ARL15: variants seen among roughly 807,000 people sequenced by gnomAD.
ARL15 encodes the protein ADP-ribosylation factor-like protein 15.
In ARL15, 19 loss-of-function variants were observed where a neutral mutation model predicts 25.2. That is an observed-to-expected ratio of 0.75 (90% confidence interval 0.53 to 1.10). The LOEUF (loss-of-function observed/expected upper bound fraction) is 1.10, where lower values mean the gene tolerates loss of function less well. Ranked by LOEUF, ARL15 falls within the 50% of genes least tolerant of loss-of-function variation. The probability of loss-of-function intolerance (pLI) is 0.00; values close to 1 mark genes in which losing one functional copy is unlikely to be tolerated. For missense variants in ARL15, 220 were observed against 246.0 expected (o/e 0.89, Z 0.71); for synonymous variants, 94 against 86.8 (o/e 1.08, Z -0.46).
chr5:54,086,267 A>G (rs1038243859), intron 4 of ARL15, among the ~76,000 whole-genome samples: 2 of 152,152 alleles, frequency 1.3e-5, no homozygotes, highest in African/African-American at 2.4e-5. Flanking sequence ...GACAGGTCCA[A>G]TGAATATTTC....
intron 4 of ARL15, among the ~76,000 whole-genome samples, chr5:54,084,620 C>A (rs923702205): frequency 3.3e-5 from 5 of 152,076 alleles, no homozygotes; most frequent in African/African-American, 1.2e-4. Flanking sequence ...TGTGGGGAGC[C>A]TTCACATTGC....
At chr5:54,250,643 G>A (rs779696979) in intron 1 of ARL15, among the ~76,000 whole-genome samples, 7 of 152,116 alleles carry the variant, frequency 4.6e-5, no homozygotes, top group Non-Finnish European at 1.0e-4. Context: ...AGAGGGAGAA[G>A]TACAGGGACA....
At chr5:54,109,329 T>TCCAAAAG (rs1250543709) in intron 4 of ARL15, among the ~76,000 whole-genome samples, 2 of 152,024 alleles carry the variant, frequency 1.3e-5, no homozygotes, top group African/African-American at 2.4e-5. Flanking sequence ...TGATATACTA[T>TCCAAAAG]TTCTGAAAAA....
chr5:53,974,308 T>C (rs1015735925), intron 4 of ARL15, among the ~76,000 whole-genome samples: 17 of 152,350 alleles, frequency 1.1e-4, no homozygotes, highest in South Asian at 4.1e-4. Flanking sequence ...TCTCCTTTAC[T>C]TGTGACTTAA....
At chr5:54,124,311 T>TA (rs912675480) in intron 3 of ARL15, among the ~76,000 whole-genome samples, 1 of 152,224 alleles carries the variant, frequency 6.6e-6, no homozygotes, top group African/African-American at 2.4e-5. Flanking sequence ...GCAGCACATA[T>TA]AAAAGTATGT....
At chr5:54,228,933 G>A (rs1189479335) in intron 1 of ARL15, among the ~76,000 whole-genome samples, 3 of 152,090 alleles carry the variant, frequency 2.0e-5, no homozygotes, top group Non-Finnish European at 4.4e-5. Flanking sequence ...CATGTTTCCT[G>A]TCGGGAGAAG....
At chr5:54,125,889 T>C (rs1753237424) in intron 3 of ARL15, among the ~76,000 whole-genome samples, 1 of 152,124 alleles carries the variant, frequency 6.6e-6, no homozygotes, top group Admixed American at 6.5e-5. Context: ...TAATTTACCA[T>C]TGGTCTGACT....
rs370334359 is a variant in ARL15, at chr5:54,207,950, A to G, written c.49-36022T>C. 4.1e-4 allele frequency among the ~76,000 whole-genome samples: 63 copies of G among 152,352 alleles called. No homozygotes were observed. In the South Asian group the frequency reaches 4.6e-3, roughly 11 times the overall value. On this transcript the variant is annotated intron_variant, in intron 1 of 4. Transcript: ENST00000504924. Reference sequence around the variant, plus strand: ...TTCTGTACTGAAGATCACTAGGCACATATTAAAGCAGGAGTATTGTACAGA... The same window carrying G: ...TTCTGTACTGAAGATCACTAGGCACGTATTAAAGCAGGAGTATTGTACAGA...
At chr5:54,001,671 C>A (rs1021264044) in intron 4 of ARL15, among the ~76,000 whole-genome samples, 4 of 152,182 alleles carry the variant, frequency 2.6e-5, no homozygotes, top group Admixed American at 1.3e-4. Flanking sequence ...ACTGTTCCAG[C>A]ATCTTAGATC....
intron 1 of ARL15, among the ~76,000 whole-genome samples, chr5:54,301,819 T>C (rs571421541): frequency 6.6e-6 from 1 of 152,242 alleles, no homozygotes; most frequent in Admixed American, 6.5e-5. Context: ...TGGAGAGACA[T>C]GGACATAATT....
chr5:53,944,158 G>T (rs910202511), intron 4 of ARL15, among the ~76,000 whole-genome samples: 4 of 152,086 alleles, frequency 2.6e-5, no homozygotes, highest in Admixed American at 6.5e-5. Context: ...ACACAACAGG[G>T]TTTGAACAAA....
intron 1 of ARL15, among the ~76,000 whole-genome samples, chr5:54,242,732 T>C (rs1756992326): frequency 6.6e-6 from 1 of 152,208 alleles, no homozygotes; most frequent in Non-Finnish European, 1.5e-5. Context: ...GCAAGTCAAC[T>C]GAATGATGTC....
chr5:54,205,762 G>GA (rs1360405950), intron 1 of ARL15, among the ~76,000 whole-genome samples: 19 of 152,154 alleles, frequency 1.2e-4, no homozygotes, highest in African/African-American at 4.3e-4. Context: ...TGTCCTCTAG[G>GA]AACTCCTGGT....
chr5:54,279,420 A>G (rs996973580), intron 1 of ARL15, among the ~76,000 whole-genome samples: 7 of 152,140 alleles, frequency 4.6e-5, no homozygotes, highest in Non-Finnish European at 7.4e-5. Context: ...TGGCTTAAAG[A>G]TGTCCACCTT....
At chr5:53,933,547 A>G (rs1277501167) in intron 4 of ARL15, among the ~76,000 whole-genome samples, 1 of 145,308 alleles carries the variant, frequency 6.9e-6, no homozygotes, top group African/African-American at 2.5e-5. Flanking sequence ...CAGGAGGCTG[A>G]GGCAGGAGAA....
chr5:54,057,306 A>G (rs976286666), intron 4 of ARL15, among the ~76,000 whole-genome samples: 2 of 152,216 alleles, frequency 1.3e-5, no homozygotes, highest in African/African-American at 4.8e-5. Context: ...GCTGAAGAAA[A>G]TAAATGTTCT....
chr5:54,098,581 A>C (rs896330020), intron 4 of ARL15, among the ~76,000 whole-genome samples: 1 of 152,170 alleles, frequency 6.6e-6, no homozygotes, highest in Admixed American at 6.5e-5. Flanking sequence ...GGTCACCCAG[A>C]TCAATGATCA....
At chr5:54,002,345 C>T (rs1169223461) in intron 4 of ARL15, among the ~76,000 whole-genome samples, 2 of 152,070 alleles carry the variant, frequency 1.3e-5, no homozygotes, top group East Asian at 3.8e-4. Flanking sequence ...AGGAAGTGAC[C>T]TAGAGAGGGT....
rs1744532468 is a variant in ARL15, at chr5:53,886,605, T to A, written c.571A>T (p.Ile191Phe). Reference protein sequence around the residue: ...DALKDSFSQLINLLEEKDHEA... With the variant: ...DALKDSFSQLFNLLEEKDHEA... ...TGGTCTTTTTCTTCTAACAAATTAA[T>A]CAGCTGAGAGAAGCTGTCTTTCAGT... Residue 191 changes from isoleucine to phenylalanine, a missense_variant, in exon 5 of 5, where the codon ATT becomes TTT. By Grantham distance (21) the Ile-to-Phe change is conservative. Transcript: ENST00000504924. 1 of 1,563,024 alleles carries A rather than the reference T, an allele frequency of 6.4e-7. No individual in the cohort carries two copies.
Sources: gnomAD v4.1 joint callset for allele counts (sites outside exome capture counted in the v4.1 genomes callset) on GRCh38, gnomAD v4.1.1 for gene constraint, MANE v1.5 for transcripts, NCBI Gene and HGNC (gene_info 2026-07-23, HGNC 2026-07-21) for gene names.